The following FMN1 variants were observed in gnomAD, a reference collection of about 807,000 sequenced individuals.
The protein encoded by FMN1 is formin 1.
Under a neutral mutation model 132.4 loss-of-function variants are expected in FMN1, and 110 were observed. The ratio of observed to expected loss-of-function variants is 0.83; its 90% CI spans 0.71 to 0.97. The LOEUF is 0.97. Among genes scored for constraint, FMN1 ranks in the 50% least tolerant of loss-of-function variants. The pLI, the probability that FMN1 is intolerant of heterozygous loss-of-function variation, is 0.00. For synonymous variants in FMN1, 722 were observed against 651.7 expected, an observed-to-expected ratio of 1.11 and a Z score of -1.64; for missense variants, 1,792 against 1,705.3, an observed-to-expected ratio of 1.05 and a Z score of -0.90.
intron 16 of FMN1, among the ~76,000 whole-genome samples, chr15:32,883,901 G>A (rs374090132): frequency 5.9e-5 from 9 of 152,088 alleles, no homozygotes; most frequent in Non-Finnish European, 1.0e-4. Flanking sequence ...TATGATTTTC[G>A]TACAGAGCAT....
At chr15:32,969,660 C>T (rs1430135912) in intron 7 of FMN1, among the ~76,000 whole-genome samples, 183 bp from the exon 8 acceptor site, 1 of 152,046 alleles carries the variant, frequency 6.6e-6, no homozygotes, top group Non-Finnish European at 1.5e-5. Context: ...TTTCCAGGGA[C>T]CTAAACAGGC....
chr15:32,807,308 C>T (rs569809548), intron 17 of FMN1, among the ~76,000 whole-genome samples: 2 of 152,324 alleles, frequency 1.3e-5, no homozygotes, highest in East Asian at 3.9e-4. Context: ...GAAGCCATGG[C>T]CAGGGCCATC....
At chr15:33,036,640 T>G (rs980022890) in intron 6 of FMN1, among the ~76,000 whole-genome samples, 3 of 152,224 alleles carry the variant, frequency 2.0e-5, no homozygotes, top group African/African-American at 7.2e-5. Context: ...AAGTAGAGTT[T>G]AAAATTTCTC....
At chr15:33,137,294 T>C (rs1963815977) in intron 4 of FMN1, among the ~76,000 whole-genome samples, 1 of 152,156 alleles carries the variant, frequency 6.6e-6, no homozygotes, top group Non-Finnish European at 1.5e-5. Flanking sequence ...CCTGTTGCCA[T>C]GGGACCTTCA....
At chr15:32,934,522 T>C (rs912626055) in intron 9 of FMN1, among the ~76,000 whole-genome samples, 3 of 152,066 alleles carry the variant, frequency 2.0e-5, no homozygotes, top group African/African-American at 7.2e-5. Flanking sequence ...GTAAGTCTAG[T>C]GGTCATGAAC....
In FMN1 at chr15:32,782,214, A is replaced by G. The variant is rs191499640; in HGVS notation, c.4131-5295T>C. Among the ~76,000 whole-genome samples the G allele has an allele frequency of 7.7e-4, 117 of 152,354 alleles. 2 individuals are homozygous for G. Among genetic ancestry groups the G allele is most frequent in the Non-Finnish European group, 7.5e-4 (51 of 68,042 alleles). ...TAGGGACAACGAGCAGGATTTATCC[A>G]TATTTGGGACCTCTCCTTGTTCCTT... On this transcript the variant is annotated intron_variant, in intron 19 of 20. Coordinates refer to ENST00000616417, the MANE Select transcript of FMN1 (RefSeq NM_001277313.2).
chr15:32,834,193 G>A (rs1196209316), intron 17 of FMN1, among the ~76,000 whole-genome samples: 1 of 152,034 alleles, frequency 6.6e-6, no homozygotes, highest in Non-Finnish European at 1.5e-5. Context: ...TGGTTCTTTG[G>A]AAAAAAATTA....
rs61341012 is a variant in FMN1, at chr15:32,811,669, C to CTT, written c.3929-7339_3929-7338dup. On this transcript the variant is annotated intron_variant, in intron 17 of 20. Coordinates refer to ENST00000616417, the MANE Select transcript of FMN1 (RefSeq NM_001277313.2). ...CTTGTCTTTTTCATCATTTTATTTG[C>CTT]TTTTTTTTTTTTTGAGACGGAGTCT... 3.7e-3 allele frequency among the ~76,000 whole-genome samples: 531 copies of CTT among 145,246 alleles called. 1 individual carries two copies. Among genetic ancestry groups the CTT allele is most frequent in the Non-Finnish European group, 5.8e-3 (380 of 65,892 alleles).
chr15:32,880,876 T>C (rs2141436833), intron 16 of FMN1, among the ~76,000 whole-genome samples: 1 of 152,342 alleles, frequency 6.6e-6, no homozygotes, highest in East Asian at 1.9e-4. Flanking sequence ...CTAAGTATTC[T>C]GAAATGTTCT....
chr15:32,943,411 C>T (rs145021961), intron 9 of FMN1, among the ~76,000 whole-genome samples: 138 of 152,306 alleles, frequency 9.1e-4, no homozygotes, highest in African/African-American at 3.0e-3. Context: ...CTGAATTCCA[C>T]CACCTGGCCA....
At chr15:33,073,041 C>A (rs2038060021) in intron 5 of FMN1, among the ~76,000 whole-genome samples, 1 of 152,090 alleles carries the variant, frequency 6.6e-6, no homozygotes, top group African/African-American at 2.4e-5. Flanking sequence ...AGCTCCTTGA[C>A]TTTCCTAATA....
At chr15:33,120,576 G>T (rs533933660) in intron 4 of FMN1, among the ~76,000 whole-genome samples, 16 of 151,470 alleles carry the variant, frequency 1.1e-4, no homozygotes, top group African/African-American at 3.6e-4. Context: ...TTTATGTGGG[G>T]ATATACGAAC....
At chr15:32,917,569 T>C (rs1316208558) in intron 10 of FMN1, among the ~76,000 whole-genome samples, 1 of 152,238 alleles carries the variant, frequency 6.6e-6, no homozygotes, top group Non-Finnish European at 1.5e-5. Context: ...TTTAATCATA[T>C]GAGGCGGGTG....
At chr15:33,014,398 T>A (rs901295677) in intron 6 of FMN1, among the ~76,000 whole-genome samples, 2 of 152,168 alleles carry the variant, frequency 1.3e-5, no homozygotes, top group Non-Finnish European at 1.5e-5. Flanking sequence ...CTAGCATTGG[T>A]ATTCAGTAGC....
intron 16 of FMN1, among the ~76,000 whole-genome samples, chr15:32,857,322 A>T (rs2059157374): frequency 6.6e-6 from 1 of 152,214 alleles, no homozygotes; most frequent in African/African-American, 2.4e-5. Flanking sequence ...ACCACTCTTG[A>T]GGAACAGGGC....
intron 9 of FMN1, among the ~76,000 whole-genome samples, chr15:32,961,437 A>G (rs977035378): frequency 6.6e-6 from 1 of 152,144 alleles, no homozygotes; most frequent in African/African-American, 2.4e-5. Flanking sequence ...CCCGGCCTGT[A>G]ATCCTTTTTT....
intron 6 of FMN1, among the ~76,000 whole-genome samples, chr15:33,034,773 G>C (rs1447583522): frequency 6.6e-6 from 1 of 152,010 alleles, no homozygotes; most frequent in African/African-American, 2.4e-5. Flanking sequence ...TGATTTCCTT[G>C]TAATTGCTTT....
At chr15:32,807,564 T>C (rs571731989) in intron 17 of FMN1, among the ~76,000 whole-genome samples, 9 of 152,346 alleles carry the variant, frequency 5.9e-5, no homozygotes, top group Non-Finnish European at 1.5e-5. Flanking sequence ...TCTCAGCAGA[T>C]GGTTTCTAAC....
chr15:33,189,436 C>G (rs11072311), intron 2 of FMN1, among the ~76,000 whole-genome samples: 23,960 of 152,084 alleles, frequency 0.16, 2,773 homozygotes, highest in East Asian at 0.55. Flanking sequence ...CTGCCTTCAT[C>G]TAAAAAGAGA....
Sources: allele counts gnomAD v4.1 joint callset (sites outside exome capture counted in the v4.1 genomes callset), GRCh38; gene constraint gnomAD v4.1.1; transcripts MANE v1.5; gene names NCBI Gene and HGNC (gene_info 2026-07-23, HGNC 2026-07-21).